The following PDE11A variants were observed in gnomAD, a reference collection of about 807,000 sequenced individuals.
The protein encoded by PDE11A is dual 3',5'-cyclic-AMP and -GMP phosphodiesterase 11A.
Under a neutral mutation model 100.5 loss-of-function variants are expected in PDE11A, and 100 were observed. The ratio of observed to expected loss-of-function variants is 1.00; its 90% confidence interval spans 0.85 to 1.18. The LOEUF is 1.18. PDE11A is among the 50% of genes most tolerant of loss of function. The pLI is 0.00. For missense variants in PDE11A, 1,141 were observed against 1,152.6 expected, an observed-to-expected ratio of 0.99 and a Z score of 0.15; for synonymous variants, 381 against 420.8, an observed-to-expected ratio of 0.91 and a Z score of 1.16.
At chr2:177,746,959 C>T (rs935103692) in intron 10 of PDE11A, among the ~76,000 whole-genome samples, 1 of 152,142 alleles carries the variant, frequency 6.6e-6, no homozygotes, top group Non-Finnish European at 1.5e-5. Flanking sequence ...TAAGAACTAT[C>T]TGAAAGTATT....
At chr2:178,084,318 G>T (rs1370124416) in intron 2 of PDE11A, among the ~76,000 whole-genome samples, 1 of 152,166 alleles carries the variant, frequency 6.6e-6, no homozygotes, top group Non-Finnish European at 1.5e-5. Context: ...GCTCAGTGAG[G>T]TTCTTGGATA....
At chr2:177,844,086 G>T (rs1465654605) in intron 5 of PDE11A, among the ~76,000 whole-genome samples, 2 of 152,202 alleles carry the variant, frequency 1.3e-5, no homozygotes, top group South Asian at 2.1e-4. Flanking sequence ...AGACAGATAG[G>T]AAAGTTGATT....
At chr2:177,875,752 G>A in intron 5 of PDE11A, 107 bp downstream of exon 5, 1 of 775,488 alleles carries the variant, frequency 1.3e-6, no homozygotes. Flanking sequence ...ATATTTGGTT[G>A]TGCTTGCTAA....
chr2:177,683,543 T>C (rs566480187), intron 15 of PDE11A: 1 of 152,372 alleles, frequency 6.6e-6, no homozygotes, highest in South Asian at 2.1e-4. Context: ...TCCGGAAGTT[T>C]GCGCTGTTTG....
intron 15 of PDE11A, among the ~76,000 whole-genome samples, chr2:177,683,836 C>T (rs1019243530): frequency 2.6e-5 from 4 of 152,196 alleles, no homozygotes; most frequent in South Asian, 2.1e-4. Context: ...GGACCCACAC[C>T]GACCTGGCTT....
rs1168126861 is a variant in PDE11A at position 177,931,584 on chromosome 2, A to T, written c.1072-26397T>A. On this transcript the variant is annotated intron_variant, in intron 2 of 19. Coordinates refer to ENST00000286063, the MANE Select transcript of PDE11A (RefSeq NM_016953.4). The stretch of plus-strand genomic sequence containing the variant: ...AAGACGCAATCAAGGCAGAAATAAA[A>T]ATAAATCTTTGAAATAAATGAAAAC... Among the ~76,000 whole-genome samples the T allele has an allele frequency of 2.6e-5, 4 of 152,318 alleles. No homozygotes were observed. The East Asian group carries it at 7.7e-4, about 29-fold the overall frequency.
chr2:177,653,717 G>A (rs1007180573), intron 19 of PDE11A, among the ~76,000 whole-genome samples: 16 of 152,144 alleles, frequency 1.1e-4, no homozygotes, highest in Admixed American at 2.6e-4. Context: ...TGCATGGAAC[G>A]GACTCTCCCT....
chr2:177,736,660 C>T (rs1475906488), intron 10 of PDE11A, among the ~76,000 whole-genome samples: 2 of 152,120 alleles, frequency 1.3e-5, no homozygotes, highest in African/African-American at 2.4e-5. Context: ...AAAGTGGATG[C>T]ACCTAGCAAA....
intron 2 of PDE11A, among the ~76,000 whole-genome samples, chr2:177,941,812 C>T (rs996230210): frequency 6.6e-6 from 1 of 152,200 alleles, no homozygotes; most frequent in Non-Finnish European, 1.5e-5. Flanking sequence ...GTTGCAGAAT[C>T]TCCAAACATT....
At chr2:177,805,381 C>T (rs1172553965) in intron 9 of PDE11A, among the ~76,000 whole-genome samples, 9 of 151,858 alleles carry the variant, frequency 5.9e-5, no homozygotes. Context: ...CAGAAATAAA[C>T]CTGCTTTGCT....
chr2:177,992,793 A>G, intron 2 of PDE11A, among the ~76,000 whole-genome samples: 1 of 152,226 alleles, frequency 6.6e-6, no homozygotes, highest in East Asian at 1.9e-4. Context: ...AGTCAGAACT[A>G]TGACTGCCTA....
chr2:178,075,224 C>G (rs1261730405), upstream of PDE11A, among the ~76,000 whole-genome samples: 6 of 152,232 alleles, frequency 3.9e-5, no homozygotes, highest in Non-Finnish European at 8.8e-5. Context: ...TGGATAGTGA[C>G]TTCTGCCTTG....
chr2:178,055,676 A>T (rs35510151), intron 1 of PDE11A, among the ~76,000 whole-genome samples: 15,184 of 152,090 alleles, frequency 0.1, 1,040 homozygotes, highest in Non-Finnish European at 0.15. Flanking sequence ...TATTATCATG[A>T]TTATTTTACT....
intron 1 of PDE11A, among the ~76,000 whole-genome samples, chr2:178,037,856 C>T (rs1382418807): frequency 1.3e-5 from 2 of 151,972 alleles, no homozygotes; most frequent in African/African-American, 2.4e-5. Flanking sequence ...GAACATCACA[C>T]ACCAGGGCCT....
chr2:177,660,102 TCTCTCTC>T (rs1559130795), intron 19 of PDE11A, among the ~76,000 whole-genome samples: 16,555 of 94,628 alleles, frequency 0.17, 2,214 homozygotes, highest in Middle Eastern at 0.24. Flanking sequence ...TTTCTTTCTC[TCTCTCTC>T]TCTTTCTTTC....
At chr2:178,099,725 C>G (rs961839639) in intron 2 of PDE11A, among the ~76,000 whole-genome samples, 1 of 152,068 alleles carries the variant, frequency 6.6e-6, no homozygotes, top group Non-Finnish European at 1.5e-5. Flanking sequence ...AAATTAGACA[C>G]AGAATTATCA....
intron 2 of PDE11A, among the ~76,000 whole-genome samples, chr2:177,913,005 G>C (rs1424366244): frequency 6.6e-6 from 1 of 152,120 alleles, no homozygotes; most frequent in African/African-American, 2.4e-5. Flanking sequence ...GGATCTTATT[G>C]GTAGTGGGTT....
At chr2:177,655,982 G>T (rs1358832938) in intron 19 of PDE11A, among the ~76,000 whole-genome samples, 1 of 152,170 alleles carries the variant, frequency 6.6e-6, no homozygotes, top group Non-Finnish European at 1.5e-5. Flanking sequence ...AAAATTTAAT[G>T]TATTTCCTAG....
At chr2:177,686,664 G>C (rs1005851422) in intron 15 of PDE11A, 8 of 147,796 alleles carry the variant, frequency 5.4e-5, no homozygotes, top group Admixed American at 4.1e-4. Flanking sequence ...TAGCCAAAGA[G>C]ATATTTTAAA....
Sources: allele counts gnomAD v4.1 joint callset (sites outside exome capture counted in the v4.1 genomes callset), GRCh38; gene constraint gnomAD v4.1.1; transcripts MANE v1.5; gene names NCBI Gene and HGNC (gene_info 2026-07-23, HGNC 2026-07-21).